The following SGMS1 variants were observed in gnomAD, a reference collection of about 807,000 sequenced individuals.
The protein encoded by SGMS1 is sphingomyelin synthase 1, also known as phosphatidylcholine:ceramide cholinephosphotransferase 1.
SGMS1 carries 13 observed loss-of-function variants against 46.2 expected under a neutral mutation model. The ratio of observed to expected loss-of-function variants is 0.28; its 90% CI spans 0.18 to 0.45. SGMS1 has a LOEUF of 0.45. Ranked by LOEUF, SGMS1 falls within the 20% of genes least tolerant of loss-of-function variation. The pLI is 1.00. For missense variants in SGMS1, 324 were observed against 519.9 expected (o/e 0.62, Z 3.66); for synonymous variants, 203 against 187.8 (o/e 1.08, Z -0.66).
intron 3 of SGMS1, among the ~76,000 whole-genome samples, chr10:50,511,642 A>G (rs1588859376): frequency 6.6e-6 from 1 of 152,116 alleles, no homozygotes; most frequent in East Asian, 1.9e-4. Flanking sequence ...GTTCTTTGCA[A>G]CCACCTGCCA....
At chr10:50,459,905 G>A (rs892852063) in intron 5 of SGMS1, 18 of 152,182 alleles carry the variant, frequency 1.2e-4, no homozygotes, top group Admixed American at 8.5e-4. Flanking sequence ...CTTTCATGAT[G>A]GTGTGACAAA....
intron 5 of SGMS1, among the ~76,000 whole-genome samples, chr10:50,441,798 C>G (rs1403694198): frequency 6.6e-6 from 1 of 152,210 alleles, no homozygotes; most frequent in Non-Finnish European, 1.5e-5. Flanking sequence ...ATTATTGTCA[C>G]AAAGCATGCA....
At chr10:50,379,247 A>G (rs2133468364) in intron 6 of SGMS1, among the ~76,000 whole-genome samples, 1 of 152,324 alleles carries the variant, frequency 6.6e-6, no homozygotes, top group African/African-American at 2.4e-5. Context: ...TATGTAACAC[A>G]ATTTCCAAAA....
chr10:50,332,267 G>C (rs184392983), intron 7 of SGMS1, among the ~76,000 whole-genome samples: 1 of 152,024 alleles, frequency 6.6e-6, no homozygotes, highest in Non-Finnish European at 1.5e-5. Flanking sequence ...CCTTGAGTAG[G>C]ATCTCTGAGC....
At chr10:50,433,881 A>C (rs951936995) in intron 5 of SGMS1, among the ~76,000 whole-genome samples, 2 of 152,126 alleles carry the variant, frequency 1.3e-5, no homozygotes, top group African/African-American at 4.8e-5. Context: ...TTCTCTCTCC[A>C]TCTCTCCTCC....
intron 2 of SGMS1, among the ~76,000 whole-genome samples, chr10:50,586,017 G>T (rs1372027929): frequency 6.6e-6 from 1 of 152,194 alleles, no homozygotes; most frequent in Admixed American, 6.5e-5. Context: ...AGGCCATATG[G>T]TCACTGTTGC....
At chr10:50,544,220 G>A (rs2339509) in intron 2 of SGMS1, among the ~76,000 whole-genome samples, 128,015 of 152,192 alleles carry the variant, frequency 0.84, 53,939 homozygotes, top group East Asian at 1. Flanking sequence ...AATCCTCCCA[G>A]CAACTCTGAG....
In SGMS1 at chr10:50,307,005, C is replaced by T; in HGVS notation, c.*137G>A. The stretch of plus-strand genomic sequence containing the variant: ...AGAGAAAAAAAGATCACAGTGCTGA[C>T]CAGGTAACTCAATAGGTTAAGTCAA... On this transcript the variant is annotated 3_prime_UTR_variant, in exon 11 of 11. Transcript: ENST00000361781. The surrounding 1 kb of genome is among the most constrained non-coding windows in gnomAD (Gnocchi z 4.2). 1 of 841,712 alleles carries T rather than the reference C, an allele frequency of 1.2e-6. No individual in the cohort carries two copies. Among genetic ancestry groups the T allele is most frequent in the Non-Finnish European group, 1.8e-6 (1 of 558,564 alleles). 52.1% of individuals were successfully genotyped at this position (841,712 alleles called of 1,614,324 possible).
intron 3 of SGMS1, among the ~76,000 whole-genome samples, chr10:50,470,872 T>C (rs1837372612): frequency 1.3e-5 from 2 of 152,120 alleles, no homozygotes; most frequent in African/African-American, 4.8e-5. Flanking sequence ...AACTGGCCTC[T>C]CAAACCGGTT....
upstream of SGMS1, chr10:50,625,105 C>T: frequency 1.0e-6 from 1 of 970,560 alleles, no homozygotes; most frequent in Non-Finnish European, 1.2e-6. Context: ...GTATAGGAGT[C>T]CTGTACCGAC....
rs1011537839 is a variant in SGMS1, at chr10:50,492,787, C to G, written c.-497-25855G>C. On this transcript the variant is annotated intron_variant, in intron 3 of 10. Transcript: ENST00000361781. ...ACCACCATTGATATTCTTCACAGAA[C>G]TAGAGAAAACTCTTTTAAAATTCAT... Among the ~76,000 whole-genome samples, 7 of 152,112 alleles carry G rather than the reference C, an allele frequency of 4.6e-5. No homozygotes were observed. In the East Asian group the frequency reaches 1.3e-3, roughly 29 times the overall value.
rs148367810 is a variant in SGMS1, at chr10:50,569,000, G to T, written c.-589+21153C>A. Reference sequence around the variant, plus strand: ...AGGGTGAGTTCATGTCCTTTGTAGGGACATGGATGAAGCTGGAAACCATAA... The same window carrying T: ...AGGGTGAGTTCATGTCCTTTGTAGGTACATGGATGAAGCTGGAAACCATAA... On this transcript the variant is annotated intron_variant, in intron 2 of 10. Transcript: ENST00000361781. Among the ~76,000 whole-genome samples, 569 of 152,214 alleles carry T rather than the reference G, an allele frequency of 3.7e-3. 4 individuals are homozygous for T. The highest frequency in any genetic ancestry group is 0.013 in the African/African-American group (548 of 41,528).
intron 5 of SGMS1, among the ~76,000 whole-genome samples, chr10:50,455,836 G>A (rs1298162212): frequency 6.6e-6 from 1 of 152,134 alleles, no homozygotes; most frequent in East Asian, 1.9e-4. Flanking sequence ...GTCTCCTGTT[G>A]GCCTTTAACA....
At position 50,469,186 on chromosome 10, in the gene SGMS1, T is replaced by C. The variant is rs78926423; in HGVS notation, c.-497-2254A>G. Among the ~76,000 whole-genome samples the C allele has an allele frequency of 9.5e-4, 144 of 152,346 alleles. 2 individuals carry two copies. In the East Asian group the frequency reaches 0.027, roughly 28 times the overall value. On this transcript the variant is annotated intron_variant, in intron 3 of 10. Coordinates refer to ENST00000361781, the MANE Select transcript of SGMS1 (RefSeq NM_147156.4). ...AACAGCTCTGCCTTAATGATGAACA[T>C]ACTTGAATTTGTTTTTCAATCAAAA...
chr10:50,369,142 C>T (rs538229607), intron 6 of SGMS1, among the ~76,000 whole-genome samples: 2 of 152,320 alleles, frequency 1.3e-5, no homozygotes, highest in African/African-American at 4.8e-5. Context: ...AAAAATCCAT[C>T]ATACACTGTA....
At chr10:50,448,742 C>CAAAAAAAAAAAAA in intron 5 of SGMS1, among the ~76,000 whole-genome samples, 1 of 58,724 alleles carries the variant, frequency 1.7e-5, no homozygotes, top group Non-Finnish European at 3.5e-5. Context: ...GAAACTCCGC[C>CAAAAAAAAAAAAA]AAAAAAAAAA....
intron 3 of SGMS1, among the ~76,000 whole-genome samples, chr10:50,492,369 C>T (rs1837574737): frequency 6.6e-6 from 1 of 152,174 alleles, no homozygotes; most frequent in African/African-American, 2.4e-5. Flanking sequence ...TCAAACTATC[C>T]TTGTTTGCAG....
At chr10:50,567,362 C>T (rs1290001079) in intron 2 of SGMS1, among the ~76,000 whole-genome samples, 4 of 152,128 alleles carry the variant, frequency 2.6e-5, no homozygotes, top group East Asian at 1.9e-4. Context: ...AAGGGCTGAC[C>T]GTATATTCTA....
chr10:50,519,115 C>T (rs902660540), intron 3 of SGMS1, among the ~76,000 whole-genome samples: 1 of 152,066 alleles, frequency 6.6e-6, no homozygotes. Context: ...CTGCAGAACA[C>T]TACATGCAAT....
Sources: allele counts gnomAD v4.1 joint callset (sites outside exome capture counted in the v4.1 genomes callset), GRCh38; gene constraint gnomAD v4.1.1; non-coding constraint Gnocchi (gnomAD v3.1); transcripts MANE v1.5; gene names NCBI Gene and HGNC (gene_info 2026-07-23, HGNC 2026-07-21).